Variants in KHDRBS1 observed in about 807,000 individuals in gnomAD.
The protein encoded by KHDRBS1 is KH RNA binding domain containing, signal transduction associated 1, also known as KH domain-containing, RNA-binding, signal transduction-associated protein 1.
KHDRBS1 carries 7 observed loss-of-function variants against 48.4 expected under a neutral mutation model. That is an observed-to-expected ratio of 0.14 (90% CI 0.08 to 0.27). The LOEUF (loss-of-function observed/expected upper bound fraction) is 0.27, where lower values mean the gene tolerates loss of function less well. KHDRBS1 is among the 10% of genes least tolerant of loss of function. The pLI is 1.00. For synonymous variants in KHDRBS1, 241 were observed against 235.8 expected (o/e 1.02, Z -0.20); for missense variants, 458 against 601.2 (o/e 0.76, Z 2.49).
At chr1:32,031,445 A>G (rs1450472927) in intron 2 of KHDRBS1, 79 bp from the exon 3 acceptor site, 5 of 881,466 alleles carry the variant, frequency 5.7e-6, no homozygotes, top group African/African-American at 1.7e-5. Context: ...AGGGTTGTTT[A>G]AAATCAAGTG....
intron 1 of KHDRBS1, among the ~76,000 whole-genome samples, chr1:32,029,602 A>G (rs1639042712): frequency 6.6e-6 from 1 of 152,236 alleles, no homozygotes; most frequent in Non-Finnish European, 1.5e-5. Flanking sequence ...GGTTGCAGTG[A>G]GCCGAGATCA....
At chr1:32,017,139 T>TGTG (rs1638758016) in intron 1 of KHDRBS1, among the ~76,000 whole-genome samples, 1 of 151,928 alleles carries the variant, frequency 6.6e-6, no homozygotes, top group South Asian at 2.1e-4. Context: ...ATGCCTGTAA[T>TGTG]CCCAGCTACT....
intron 10 of KHDRBS1, among the ~76,000 whole-genome samples, chr1:32,054,074 C>CA (rs575542289): frequency 7.9e-4 from 117 of 148,546 alleles, no homozygotes; most frequent in Middle Eastern, 3.4e-3. Flanking sequence ...AACTGCATCT[C>CA]AAAAAAAAAC....
chr1:32,039,913 G>T (rs186342956), intron 8 of KHDRBS1, among the ~76,000 whole-genome samples: 4 of 152,106 alleles, frequency 2.6e-5, no homozygotes, highest in Admixed American at 2.6e-4. Context: ...GCTAGACCTG[G>T]GTTGTATTTC....
intron 1 of KHDRBS1, among the ~76,000 whole-genome samples, chr1:32,019,961 G>C (rs1379632118): frequency 1.3e-5 from 2 of 151,856 alleles, no homozygotes; most frequent in African/African-American, 4.8e-5. Flanking sequence ...TAGTAGAGAT[G>C]GGGTTTCACC....
chr1:32,046,370 C>G (rs1478335810), downstream of KHDRBS1, among the ~76,000 whole-genome samples: 1 of 152,068 alleles, frequency 6.6e-6, no homozygotes, highest in African/African-American at 2.4e-5. Context: ...CCTGCCACCA[C>G]GCCTGGCTAA....
At chr1:32,032,173 C>A (rs943153429) in intron 3 of KHDRBS1, among the ~76,000 whole-genome samples, 2 of 151,952 alleles carry the variant, frequency 1.3e-5, no homozygotes, top group African/African-American at 2.4e-5. Context: ...TTTTTTTTCC[C>A]CATGCCATAG....
In KHDRBS1 at chr1:32,013,870, C is replaced by G. The variant is rs1311678237; in HGVS notation, c.-126C>G. 3 of 929,846 alleles carry G rather than the reference C, an allele frequency of 3.2e-6. No homozygotes were observed. The highest frequency in any genetic ancestry group is 3.8e-4 in the Middle Eastern group (1 of 2,648). The allele number at this position is 929,846 out of a possible 1,614,324, so 57.6% of individuals were successfully genotyped here. A position where few individuals can be genotyped will look rare whatever the true frequency, so the allele number is the denominator to read the frequency against. ...CGCCGCCTCATTTCCGGTGCTCTCT[C>G]TCGCTGGGTCGCTCGGGTCGGCTTC... On this transcript the variant is annotated 5_prime_UTR_variant, in exon 1 of 9. Transcript: ENST00000327300.
At chr1:32,041,687 T>TC (rs1399541534) in intron 8 of KHDRBS1, among the ~76,000 whole-genome samples, 1 of 150,196 alleles carries the variant, frequency 6.7e-6, no homozygotes, top group African/African-American at 2.4e-5. Context: ...CCTCCCAGGT[T>TC]CAAGCACTTC....
At chr1:32,024,469 C>G (rs891443947) in intron 1 of KHDRBS1, among the ~76,000 whole-genome samples, 1 of 151,554 alleles carries the variant, frequency 6.6e-6, no homozygotes, top group African/African-American at 2.4e-5. Context: ...CGCCACCACA[C>G]TGAGCTAATT....
intron 1 of KHDRBS1, among the ~76,000 whole-genome samples, chr1:32,030,092 G>A (rs1403200674): frequency 6.6e-6 from 1 of 152,146 alleles, no homozygotes; most frequent in East Asian, 1.9e-4. Context: ...GGGTGGAAGA[G>A]TACACTTCTT....
chr1:32,044,854 TTC>T (rs914368941), downstream of KHDRBS1, among the ~76,000 whole-genome samples: 2 of 152,244 alleles, frequency 1.3e-5, no homozygotes, highest in African/African-American at 4.8e-5. Flanking sequence ...TAGCACATAT[TTC>T]TCTTTTACAT....
rs1402210308 is a variant in KHDRBS1 at position 32,056,885 on chromosome 1, A to G, written n.1302-3278A>G. ...CTGGGGATCCAGTGGCCGGTGAACAATATAAAATGGTCCTTGGCTTCATGG... is the reference window on the plus strand; with the variant it reads ...CTGGGGATCCAGTGGCCGGTGAACAGTATAAAATGGTCCTTGGCTTCATGG... On this transcript the variant is annotated intron_variant and non_coding_transcript_variant, in intron 10 of 10. Transcript: ENST00000484270. 2.6e-5 allele frequency among the ~76,000 whole-genome samples: 4 copies of G among 152,218 alleles called. No individual in the cohort carries two copies. The East Asian group carries it at 5.8e-4, about 22-fold the overall frequency.
intron 1 of KHDRBS1, among the ~76,000 whole-genome samples, chr1:32,025,127 A>G (rs1480422939): frequency 6.6e-6 from 1 of 151,632 alleles, no homozygotes; most frequent in Non-Finnish European, 1.5e-5. Context: ...TTAGCCAGGC[A>G]TGGTGGCACG....
chr1:32,031,341 C>T (rs949530950), intron 2 of KHDRBS1, among the ~76,000 whole-genome samples, 183 bp from the exon 3 acceptor site: 1 of 152,118 alleles, frequency 6.6e-6, no homozygotes, highest in Non-Finnish European at 1.5e-5. Flanking sequence ...CTAGGAACTG[C>T]CACTTTCTAG....
At chr1:32,049,574 G>A (rs569366157) in intron 10 of KHDRBS1, among the ~76,000 whole-genome samples, 106 of 151,964 alleles carry the variant, frequency 7.0e-4, no homozygotes, top group Non-Finnish European at 1.3e-3. Flanking sequence ...ATAAGTTTTT[G>A]TGTGGACATG....
At chr1:32,031,070 G>A (rs538194471) in intron 2 of KHDRBS1, among the ~76,000 whole-genome samples, 10 of 152,114 alleles carry the variant, frequency 6.6e-5, no homozygotes, top group African/African-American at 9.6e-5. Context: ...GCAACATAGC[G>A]AAACCCCATC....
intron 3 of KHDRBS1, among the ~76,000 whole-genome samples, chr1:32,032,723 G>T (rs1163638155): frequency 6.6e-6 from 1 of 151,394 alleles, no homozygotes; most frequent in Non-Finnish European, 1.5e-5. Flanking sequence ...TTTCTTGAGA[G>T]GGAGCCTTGC....
At chr1:32,048,695 A>G (rs1032079185), downstream of KHDRBS1, among the ~76,000 whole-genome samples, 1 of 152,160 alleles carries the variant, frequency 6.6e-6, no homozygotes, top group African/African-American at 2.4e-5. Context: ...TTTTAAAATA[A>G]CAACTTTATT....
Sources: allele counts gnomAD v4.1 joint callset (sites outside exome capture counted in the v4.1 genomes callset), GRCh38; gene constraint gnomAD v4.1.1; transcripts MANE v1.5; gene names NCBI Gene and HGNC (gene_info 2026-07-23, HGNC 2026-07-21).